Variants in VOPP1 observed in about 807,000 individuals in gnomAD.
VOPP1 encodes WW domain binding protein VOPP1.
In VOPP1, 8 loss-of-function variants were observed where a neutral mutation model predicts 23.5. The observed-to-expected ratio is 0.34, with a 90% CI of 0.20 to 0.61. VOPP1 has a LOEUF of 0.61. Ranked by LOEUF, VOPP1 falls within the 20% of genes least tolerant of loss-of-function variation. The probability of loss-of-function intolerance (pLI) is 0.78; values close to 1 mark genes in which losing one functional copy is unlikely to be tolerated. For synonymous variants in VOPP1, 83 were observed against 97.3 expected, an observed-to-expected ratio of 0.85 and a Z score of 0.86; for missense variants, 174 against 238.1, an observed-to-expected ratio of 0.73 and a Z score of 1.77.
In VOPP1 at chr7:55,561,947, A is replaced by G. The variant is rs1375353735; in HGVS notation, c.54+10324T>C. 5.7e-6 allele frequency: 4 copies of G among 703,218 alleles called. No individual in the cohort carries two copies. The South Asian group carries it at 5.9e-5, about 10-fold the overall frequency. The allele number at this position is 703,218 out of a possible 1,614,324, so 43.6% of individuals were successfully genotyped here. ...ACGGCAGTCAAAGGAATGGGAAAAC[A>G]GGAAGTGAAAGTATGGTGCCTTCAG... On this transcript the variant is annotated intron_variant, in intron 1 of 4. Coordinates refer to ENST00000285279, the MANE Select transcript of VOPP1 (RefSeq NM_030796.5).
intron 2 of VOPP1, among the ~76,000 whole-genome samples, chr7:55,498,059 A>T (rs946101996): frequency 2.0e-5 from 3 of 152,242 alleles, no homozygotes; most frequent in African/African-American, 7.2e-5. Flanking sequence ...CGTGGTGCTC[A>T]TCCCTGCTGT....
chr7:55,480,757 T>G (rs1225861611), intron 4 of VOPP1, among the ~76,000 whole-genome samples: 1 of 152,260 alleles, frequency 6.6e-6, no homozygotes, highest in African/African-American at 2.4e-5. Context: ...GTACTGCATA[T>G]GCTGTTGCAT....
intron 2 of VOPP1, among the ~76,000 whole-genome samples, chr7:55,519,406 C>T (rs1250690854): frequency 1.3e-5 from 2 of 152,154 alleles, no homozygotes; most frequent in East Asian, 1.9e-4. Flanking sequence ...ACCTCTGACG[C>T]CCAAGCTCTG....
chr7:55,551,876 C>A (rs1797621149), intron 1 of VOPP1, among the ~76,000 whole-genome samples: 1 of 152,080 alleles, frequency 6.6e-6, no homozygotes, highest in South Asian at 2.1e-4. Context: ...CCCGTCTCTA[C>A]TAAAAATACA....
At chr7:55,463,463 T>C (rs1791557211) in intron 4 of VOPP1, among the ~76,000 whole-genome samples, 1 of 152,214 alleles carries the variant, frequency 6.6e-6, no homozygotes, top group African/African-American at 2.4e-5. Flanking sequence ...GTATCTATTG[T>C]ATTGGTTGGG....
At chr7:55,554,106 G>C (rs1037790286) in intron 1 of VOPP1, among the ~76,000 whole-genome samples, 3 of 152,252 alleles carry the variant, frequency 2.0e-5, no homozygotes, top group African/African-American at 7.2e-5. Context: ...AAAGAAGAGA[G>C]ACAGAGAGGT....
At chr7:55,452,293 G>A (rs1161721047) in intron 4 of VOPP1, among the ~76,000 whole-genome samples, 1 of 152,068 alleles carries the variant, frequency 6.6e-6, no homozygotes, top group East Asian at 1.9e-4. Context: ...GTTCCACTTC[G>A]AATTATATTT....
intron 2 of VOPP1, among the ~76,000 whole-genome samples, chr7:55,503,088 A>T (rs1002717389): frequency 6.6e-6 from 1 of 152,206 alleles, no homozygotes; most frequent in African/African-American, 2.4e-5. Flanking sequence ...GTACCCCTGG[A>T]TACAAATGTA....
intron 1 of VOPP1, chr7:55,521,699 C>T: frequency 1.0e-6 from 1 of 987,184 alleles, no homozygotes; most frequent in Non-Finnish European, 1.2e-6. Flanking sequence ...AGTCCAGCTC[C>T]TAACATCCCG....
intron 2 of VOPP1, among the ~76,000 whole-genome samples, chr7:55,498,368 G>A (rs1006109961): frequency 1.3e-5 from 2 of 152,120 alleles, no homozygotes; most frequent in Non-Finnish European, 2.9e-5. Flanking sequence ...AGGTTTCCGG[G>A]CCCCTGGCAG....
chr7:55,551,299 T>C (rs1797596279), intron 1 of VOPP1, among the ~76,000 whole-genome samples: 1 of 152,226 alleles, frequency 6.6e-6, no homozygotes, highest in Non-Finnish European at 1.5e-5. Context: ...AAGTTTTCAC[T>C]GACATCAAAG....
chr7:55,459,873 T>C (rs938808170), intron 4 of VOPP1, among the ~76,000 whole-genome samples: 10 of 152,110 alleles, frequency 6.6e-5, no homozygotes, highest in Non-Finnish European at 2.9e-5. Flanking sequence ...TTGTTTTTGT[T>C]CTGATATTTA....
At chr7:55,569,292 T>C (rs1342457216) in intron 1 of VOPP1, among the ~76,000 whole-genome samples, 1 of 152,196 alleles carries the variant, frequency 6.6e-6, no homozygotes, top group Admixed American at 6.5e-5. Flanking sequence ...ATGCCCACTG[T>C]CCAGGCACAG....
chr7:55,557,256 C>T (rs554082562), intron 1 of VOPP1, among the ~76,000 whole-genome samples: 1 of 152,290 alleles, frequency 6.6e-6, no homozygotes, highest in African/African-American at 2.4e-5. Flanking sequence ...CCACAGTCCA[C>T]TCATCTGCAA....
downstream of VOPP1, among the ~76,000 whole-genome samples, chr7:55,435,827 A>G (rs984524417): frequency 6.6e-6 from 1 of 152,242 alleles, no homozygotes; most frequent in Non-Finnish European, 1.5e-5. Context: ...CTTACGGAGC[A>G]TCCACACTGT....
At chr7:55,488,262 G>A (rs73698740) in intron 4 of VOPP1, among the ~76,000 whole-genome samples, 2,917 of 152,220 alleles carry the variant, frequency 0.019, 97 homozygotes, top group African/African-American at 0.066. Context: ...AGAAGGGACC[G>A]TGGCCTACCC....
intron 2 of VOPP1, among the ~76,000 whole-genome samples, chr7:55,498,005 C>T (rs1485906581): frequency 6.6e-6 from 1 of 152,216 alleles, no homozygotes; most frequent in Non-Finnish European, 1.5e-5. Flanking sequence ...TTAAGCCTAC[C>T]AGGACTGCTG....
chr7:55,464,957 G>A (rs751892561), intron 4 of VOPP1, among the ~76,000 whole-genome samples: 5 of 152,170 alleles, frequency 3.3e-5, no homozygotes, highest in Non-Finnish European at 7.4e-5. Flanking sequence ...AGTCAGTGTG[G>A]CAATGTAGAC....
At chr7:55,516,930 ATATTTTTTTTTTTT>A (rs1795481952) in intron 2 of VOPP1, among the ~76,000 whole-genome samples, 4 of 50,060 alleles carry the variant, frequency 8.0e-5, no homozygotes, top group Admixed American at 3.4e-4. Flanking sequence ...ATATATATAT[ATATTTTTTTTTTTT>A]TTTTTTTTTT....
Sources: allele counts gnomAD v4.1 joint callset (sites outside exome capture counted in the v4.1 genomes callset), GRCh38; gene constraint gnomAD v4.1.1; transcripts MANE v1.5; gene names NCBI Gene and HGNC (gene_info 2026-07-23, HGNC 2026-07-21).